The following TYW3 variants were observed in gnomAD, a reference collection of about 807,000 sequenced individuals.
TYW3 encodes the protein tRNA wybutosine-synthesizing protein 3 homolog.
Under a neutral mutation model 23.1 loss-of-function variants are expected in TYW3, and 26 were observed. The observed-to-expected ratio is 1.13, with a 90% CI of 0.83 to 1.56. The LOEUF (loss-of-function observed/expected upper bound fraction) is 1.56. Ranked by LOEUF, TYW3 falls within the 40% of genes most tolerant of loss-of-function variation. The probability of loss-of-function intolerance (pLI) is 0.00; values close to 1 mark genes in which losing one functional copy is unlikely to be tolerated. For synonymous variants in TYW3, 102 were observed against 105.7 expected, an observed-to-expected ratio of 0.97 and a Z score of 0.21; for missense variants, 316 against 311.9, an observed-to-expected ratio of 1.01 and a Z score of -0.10.
chr1:74,756,091 C>A (rs528225450), intron 5 of TYW3, among the ~76,000 whole-genome samples: 1 of 152,298 alleles, frequency 6.6e-6, no homozygotes, highest in South Asian at 2.1e-4. Context: ...CCTTCCCAGC[C>A]ACATGGAACT....
In TYW3 at chr1:74,752,439, G is replaced by A. The variant is rs373585736; in HGVS notation, c.560+14G>A. The A allele has an allele frequency of 6.8e-6, 11 of 1,607,868 alleles. No homozygotes were observed. Among genetic ancestry groups the A allele is most frequent in the South Asian group, 4.5e-5 (4 of 89,824 alleles). ...AAGAATTGAGAGGTATATTAATTGG[G>A]TATTTCCATGTTATTCTTATATGCC... On this transcript the variant is annotated intron_variant, in intron 5 of 5. Transcript: ENST00000370867.
At chr1:74,733,490 T>G in intron 1 of TYW3, 72 bp downstream of exon 1, 1 of 1,568,094 alleles carries the variant, frequency 6.4e-7, no homozygotes, top group Middle Eastern at 1.8e-4. Flanking sequence ...TCCCATCCAG[T>G]GACGACCGGA....
At chr1:74,757,606 A>T (rs1648996938) in intron 5 of TYW3, among the ~76,000 whole-genome samples, 1 of 152,236 alleles carries the variant, frequency 6.6e-6, no homozygotes, top group Admixed American at 6.5e-5. Flanking sequence ...TTACAGGCTG[A>T]TAGGCAGAAG....
intron 5 of TYW3, among the ~76,000 whole-genome samples, chr1:74,755,373 T>C: frequency 6.6e-6 from 1 of 152,218 alleles, no homozygotes; most frequent in Non-Finnish European, 1.5e-5. Flanking sequence ...GTAATCACTA[T>C]TCTATTTTCT....
At chr1:74,750,563 CAAAAAT>C (rs1180341121) in intron 4 of TYW3, among the ~76,000 whole-genome samples, 1 of 151,618 alleles carries the variant, frequency 6.6e-6, no homozygotes, top group African/African-American at 2.4e-5. Flanking sequence ...GACTCTGTCT[CAAAAAT>C]AAAATAAAAA....
At chr1:74,750,559 G>C (rs1420084391) in intron 4 of TYW3, among the ~76,000 whole-genome samples, 1 of 151,916 alleles carries the variant, frequency 6.6e-6, no homozygotes, top group Non-Finnish European at 1.5e-5. Flanking sequence ...GCAAGACTCT[G>C]TCTCAAAAAT....
In TYW3 at chr1:74,746,006, G is replaced by A. The variant is rs189098678; in HGVS notation, c.355-2745G>A. On this transcript the variant is annotated intron_variant, in intron 3 of 5. Coordinates refer to ENST00000370867, the MANE Select transcript of TYW3 (RefSeq NM_138467.3). ...CATTTAACCTAATTAACACCTTAAA[G>A]GCCTCATCTCCAAATATAGTCACAT... Among the ~76,000 whole-genome samples, 168 of 152,286 alleles carry A rather than the reference G, an allele frequency of 1.1e-3. 1 individual carries two copies. Among genetic ancestry groups the A allele is most frequent in the Admixed American group, 3.5e-3 (53 of 15,288 alleles).
At chr1:74,736,150 G>A (rs887348043) in intron 1 of TYW3, 1 of 153,300 alleles carries the variant, frequency 6.5e-6, no homozygotes, top group African/African-American at 2.4e-5. Flanking sequence ...GTCTTGTGTG[G>A]AATTGGGACA....
intron 5 of TYW3, among the ~76,000 whole-genome samples, chr1:74,759,109 A>G (rs2100776705): frequency 6.6e-6 from 1 of 152,330 alleles, no homozygotes; most frequent in South Asian, 2.1e-4. Context: ...TTAAGGCTTC[A>G]AAGCATTAGG....
At chr1:74,752,128 C>T (rs1648805025) in intron 4 of TYW3, among the ~76,000 whole-genome samples, 164 bp from the exon 5 acceptor site, 2 of 152,134 alleles carry the variant, frequency 1.3e-5, no homozygotes, top group African/African-American at 2.4e-5. Context: ...TATTTAATCT[C>T]CTTTGCTTTA....
At chr1:74,746,789 C>T (rs964549271) in intron 3 of TYW3, among the ~76,000 whole-genome samples, 15 of 152,072 alleles carry the variant, frequency 9.9e-5, no homozygotes, top group Non-Finnish European at 1.6e-4. Flanking sequence ...TGCAGTGAGC[C>T]GAGATTGCAC....
At chr1:74,748,389 T>C (rs1648661077) in intron 3 of TYW3, among the ~76,000 whole-genome samples, 1 of 152,228 alleles carries the variant, frequency 6.6e-6, no homozygotes, top group Admixed American at 6.5e-5. Context: ...TGAGAAACAT[T>C]GTACTCATTT....
chr1:74,749,551 T>C (rs1648703519), intron 4 of TYW3, among the ~76,000 whole-genome samples: 1 of 152,230 alleles, frequency 6.6e-6, no homozygotes, highest in Non-Finnish European at 1.5e-5. Context: ...GTTTTTGAAC[T>C]ATTTGAGATT....
intron 1 of TYW3, 164 bp downstream of exon 1, chr1:74,733,582 C>T (rs547769737): frequency 6.1e-6 from 6 of 982,562 alleles, no homozygotes; most frequent in Middle Eastern, 5.2e-4. Context: ...ATCAGTGCTT[C>T]TAAAAGTTTA....
At chr1:74,740,579 A>C (rs543981364) in intron 3 of TYW3, among the ~76,000 whole-genome samples, 2 of 152,278 alleles carry the variant, frequency 1.3e-5, no homozygotes, top group African/African-American at 4.8e-5. Context: ...TGGTGCATTT[A>C]CAATCCTTTA....
rs140009685 is a variant in TYW3, at chr1:74,733,585, A to C, written c.174+167A>C. ...TTAGGGGATTAGATCAGTGCTTCTAAAAGTTTAACGTGGCTATTAATCAGC... is the reference window on the plus strand; with the variant it reads ...TTAGGGGATTAGATCAGTGCTTCTACAAGTTTAACGTGGCTATTAATCAGC... On this transcript the variant is annotated intron_variant, in intron 1 of 5. Coordinates refer to ENST00000370867, the MANE Select transcript of TYW3 (RefSeq NM_138467.3). 170 of 981,252 alleles carry C rather than the reference A, an allele frequency of 1.7e-4. No homozygotes were observed. The African/African-American group carries it at 2.8e-3, about 16-fold the overall frequency. The allele number at this position is 981,252 out of a possible 1,614,324, so 60.8% of individuals were successfully genotyped here.
At chr1:74,739,563 T>C (rs1403396890) in intron 3 of TYW3, among the ~76,000 whole-genome samples, 6 of 152,180 alleles carry the variant, frequency 3.9e-5, no homozygotes, top group Admixed American at 6.5e-5. Flanking sequence ...GAAAAGTATA[T>C]ACAAAGTTTC....
At chr1:74,759,385 T>C (rs1649060183) in intron 5 of TYW3, among the ~76,000 whole-genome samples, 1 of 151,378 alleles carries the variant, frequency 6.6e-6, no homozygotes. Flanking sequence ...TTTTTTTTTT[T>C]TTTTGGTAGA....
rs973808750 is a variant in TYW3, at chr1:74,764,244, A to C, written c.*131A>C. On this transcript the variant is annotated 3_prime_UTR_variant, in exon 6 of 6. Coordinates refer to ENST00000370867, the MANE Select transcript of TYW3 (RefSeq NM_138467.3). ...CAGTAATGACAAGTGCAGAGCTTCA[A>C]ACTATAACTTTGTTGCCCAGAGGAT... 9.2e-6 allele frequency: 7 copies of C among 762,536 alleles called. No homozygotes were observed. Among genetic ancestry groups the C allele is most frequent in the South Asian group, 6.1e-5 (3 of 49,206 alleles). The allele number at this position is 762,536 out of a possible 1,614,324, so 47.2% of individuals were successfully genotyped here.
Sources: allele counts gnomAD v4.1 joint callset (sites outside exome capture counted in the v4.1 genomes callset), GRCh38; gene constraint gnomAD v4.1.1; transcripts MANE v1.5; gene names NCBI Gene and HGNC (gene_info 2026-07-23, HGNC 2026-07-21).